JAZF1: variants seen among roughly 807,000 people sequenced by gnomAD.
JAZF1 encodes the protein JAZF zinc finger 1.
A neutral mutation model predicts 26.4 loss-of-function variants in JAZF1; 8 were observed. That is an observed-to-expected ratio of 0.30 (90% confidence interval 0.18 to 0.55). The LOEUF (loss-of-function observed/expected upper bound fraction) is 0.55. JAZF1 is among the 20% of genes least tolerant of loss of function. The pLI is 0.94. For synonymous variants in JAZF1, 126 were observed against 122.3 expected, an observed-to-expected ratio of 1.03 and a Z score of -0.20; for missense variants, 199 against 322.0, an observed-to-expected ratio of 0.62 and a Z score of 2.92.
intron 1 of JAZF1, among the ~76,000 whole-genome samples, chr7:28,156,590 T>C (rs1455089251): frequency 6.6e-6 from 1 of 152,170 alleles, no homozygotes; most frequent in Non-Finnish European, 1.5e-5. Flanking sequence ...ACAGCAGAGG[T>C]TCCCAAGAGT....
intron 1 of JAZF1, among the ~76,000 whole-genome samples, chr7:28,005,553 C>T (rs1344205215): frequency 6.6e-6 from 1 of 152,176 alleles, no homozygotes; most frequent in African/African-American, 2.4e-5. Flanking sequence ...CCAAGAGGCT[C>T]TGCCAGGCTG....
intron 3 of JAZF1, among the ~76,000 whole-genome samples, chr7:27,848,090 C>G (rs1262821470): frequency 1.3e-5 from 2 of 152,154 alleles, no homozygotes; most frequent in Non-Finnish European, 2.9e-5. Flanking sequence ...TTTACTGTTT[C>G]CGTGAAGGAT....
chr7:27,893,811 C>T (rs576985997), intron 3 of JAZF1, among the ~76,000 whole-genome samples: 2 of 152,260 alleles, frequency 1.3e-5, no homozygotes, highest in South Asian at 4.1e-4. Flanking sequence ...CACTCCTGCC[C>T]AAGGAGGAAC....
intron 1 of JAZF1, among the ~76,000 whole-genome samples, chr7:28,090,622 T>C (rs1439262844): frequency 6.6e-6 from 1 of 152,170 alleles, no homozygotes; most frequent in African/African-American, 2.4e-5. Context: ...CAGGTACTAG[T>C]ACTCCCACAT....
At chr7:28,147,707 C>CAT (rs778774523) in intron 1 of JAZF1, among the ~76,000 whole-genome samples, 66 of 148,408 alleles carry the variant, frequency 4.4e-4, no homozygotes, top group African/African-American at 8.7e-4. Flanking sequence ...AGTATATATA[C>CAT]ATATATATAT....
intron 1 of JAZF1, among the ~76,000 whole-genome samples, chr7:28,005,641 G>T (rs1207134058): frequency 6.6e-6 from 1 of 152,168 alleles, no homozygotes; most frequent in Non-Finnish European, 1.5e-5. Context: ...GGCCACAGAG[G>T]TTATGTGCTA....
rs112644894 is a variant in JAZF1 at position 28,114,924 on chromosome 7, G to A, written c.115+65539C>T. 2.6e-5 allele frequency among the ~76,000 whole-genome samples: 4 copies of A among 152,262 alleles called. 1 individual carries two copies. The highest frequency in any genetic ancestry group is 9.6e-5 in the African/African-American group (4 of 41,552). Reference sequence around the variant, plus strand: ...CCAAACAGAAAGAACAGTGTGTTCAGAGACTCAAATTTATCAAGAGGCCTG... The same window carrying A: ...CCAAACAGAAAGAACAGTGTGTTCAAAGACTCAAATTTATCAAGAGGCCTG... On this transcript the variant is annotated intron_variant, in intron 1 of 4. Transcript: ENST00000283928.
intron 1 of JAZF1, among the ~76,000 whole-genome samples, chr7:28,000,233 C>T (rs941915456): frequency 6.6e-6 from 1 of 152,036 alleles, no homozygotes; most frequent in African/African-American, 2.4e-5. Context: ...CAGCACCCCC[C>T]CGACCCCCCA....
chr7:27,895,202 T>A lies in JAZF1; in HGVS notation c.385+18A>T. On this transcript the variant is annotated intron_variant, in intron 3 of 4. Coordinates refer to ENST00000283928, the MANE Select transcript of JAZF1 (RefSeq NM_175061.4). ...TCCCCTCTCCTCCTTCTCAAGGCGG[T>A]AGGGCCAGGCCACTCACCTGTCGGA... 1 of 1,542,864 alleles carries A rather than the reference T, an allele frequency of 6.5e-7. No individual in the cohort carries two copies. The highest frequency in any genetic ancestry group is 1.2e-5 in the South Asian group (1 of 82,270).
rs1782710776 is a variant in JAZF1 at position 27,831,912 on chromosome 7, T to C, written c.*888A>G. 1 of 218,576 alleles carries C rather than the reference T, an allele frequency of 4.6e-6. No homozygotes were observed. The highest frequency in any genetic ancestry group is 9.2e-6 in the Non-Finnish European group (1 of 108,536). The allele number at this position is 218,576 out of a possible 1,614,324, so 13.5% of individuals were successfully genotyped here. On this transcript the variant is annotated 3_prime_UTR_variant, in exon 5 of 5. Coordinates refer to ENST00000283928, the MANE Select transcript of JAZF1 (RefSeq NM_175061.4). ...AAAACTTCATCTGAAGATGAAGATA[T>C]AACTAAACTTCACACACACACACTT...
intron 2 of JAZF1, among the ~76,000 whole-genome samples, chr7:27,938,730 G>A (rs752907571): frequency 6.6e-6 from 1 of 151,862 alleles, no homozygotes; most frequent in Non-Finnish European, 1.5e-5. Context: ...GGAGTGCAGT[G>A]GCATGATTAT....
chr7:28,155,259 G>A (rs1783164831), intron 1 of JAZF1, among the ~76,000 whole-genome samples: 1 of 152,188 alleles, frequency 6.6e-6, no homozygotes, highest in Non-Finnish European at 1.5e-5. Context: ...GAAAGAGACT[G>A]GGCAGTTGTG....
At chr7:28,092,309 A>C (rs888492911) in intron 1 of JAZF1, among the ~76,000 whole-genome samples, 28 of 141,576 alleles carry the variant, frequency 2.0e-4, no homozygotes, top group African/African-American at 6.2e-4. Flanking sequence ...AAAAAAAAAA[A>C]AAAAAAAAAA....
intron 2 of JAZF1, among the ~76,000 whole-genome samples, chr7:27,935,006 A>G (rs1784745328): frequency 6.6e-6 from 1 of 152,238 alleles, no homozygotes; most frequent in Non-Finnish European, 1.5e-5. Flanking sequence ...ACTCAACAAT[A>G]AAAACATAAA....
intron 1 of JAZF1, among the ~76,000 whole-genome samples, chr7:28,169,738 G>A (rs1385003563): frequency 6.6e-6 from 1 of 152,092 alleles, no homozygotes; most frequent in Non-Finnish European, 1.5e-5. Context: ...GCTTATTTAT[G>A]CCTATTACCA....
Position 27,831,866 on chromosome 7 carries a change from T to C in JAZF1, c.*934A>G, listed in dbSNP as rs1302270877. On this transcript the variant is annotated 3_prime_UTR_variant, in exon 5 of 5. Coordinates refer to ENST00000283928, the MANE Select transcript of JAZF1 (RefSeq NM_175061.4). The stretch of plus-strand genomic sequence containing the variant: ...CACATAAACATTAAATTGTTGGCAA[T>C]AGAGAACTACAAAGTGCTTTAAAAC... 1.4e-5 allele frequency: 3 copies of C among 218,542 alleles called. No homozygotes were observed. The highest frequency in any genetic ancestry group is 6.7e-5 in the East Asian group (1 of 14,838). The allele number at this position is 218,542 out of a possible 1,614,324, so 13.5% of individuals were successfully genotyped here. A position where few individuals can be genotyped will look rare whatever the true frequency, so the allele number is the denominator to read the frequency against.
chr7:28,056,244 ACT>A (rs1783706009), intron 1 of JAZF1, among the ~76,000 whole-genome samples: 6 of 152,200 alleles, frequency 3.9e-5, no homozygotes, highest in African/African-American at 1.4e-4. Context: ...ATAAATGAGC[ACT>A]AATTAATAAA....
intron 2 of JAZF1, among the ~76,000 whole-genome samples, chr7:27,906,137 CAAA>C (rs1784252535): frequency 6.6e-6 from 1 of 152,086 alleles, no homozygotes; most frequent in Non-Finnish European, 1.5e-5. Flanking sequence ...CGAAAGAAGG[CAAA>C]TACAAGGGCA....
chr7:28,071,943 T>C (rs1783984445), intron 1 of JAZF1, among the ~76,000 whole-genome samples: 1 of 152,250 alleles, frequency 6.6e-6, no homozygotes, highest in South Asian at 2.1e-4. Flanking sequence ...TTTTGTTTTC[T>C]TGTCAGAAGG....
Sources: gnomAD v4.1 joint callset for allele counts (sites outside exome capture counted in the v4.1 genomes callset) on GRCh38, gnomAD v4.1.1 for gene constraint, MANE v1.5 for transcripts, NCBI Gene and HGNC (gene_info 2026-07-23, HGNC 2026-07-21) for gene names.